The following IFT57 variants were observed in gnomAD, a reference collection of about 807,000 sequenced individuals.
IFT57 encodes intraflagellar transport protein 57 homolog.
In IFT57, 59 loss-of-function variants were observed where a neutral mutation model predicts 56.8. That is an observed-to-expected ratio of 1.04 (90% CI 0.84 to 1.29). The LOEUF is 1.29. Among genes scored for constraint, IFT57 ranks in the 50% most tolerant of loss-of-function variants. The pLI is 0.00. For synonymous variants in IFT57, 209 were observed against 186.1 expected (o/e 1.12, Z -1.00); for missense variants, 470 against 522.1 (o/e 0.90, Z 0.97).
At chr3:108,189,994 GT>G (rs2080206165) in intron 6 of IFT57, among the ~76,000 whole-genome samples, 1 of 152,166 alleles carries the variant, frequency 6.6e-6, no homozygotes, top group Admixed American at 6.5e-5. Flanking sequence ...AGTAAGAGGA[GT>G]GGTTGGTCTT....
In IFT57 at chr3:108,191,564, C is replaced by T. The variant is rs754712026; in HGVS notation, c.734G>A (p.Arg245His). 3.1e-6 allele frequency: 5 copies of T among 1,608,454 alleles called. No individual in the cohort carries two copies. The highest frequency in any genetic ancestry group is 3.4e-6 in the Non-Finnish European group (4 of 1,176,290). Residue 245 changes from arginine to histidine, a missense_variant, in exon 6 of 11, where the codon CGT becomes CAT. By Grantham distance (29) the Arg-to-His change is conservative. Transcript: ENST00000264538. ...CGTGACTTTCAGTTGCGGTAGTACA[C>T]GTTCCACTTCTAGGCTCCATTCTGC... is the stretch of plus-strand genomic sequence containing the variant. ...DAAEWSLEVE[R>H]VLPQLKVTIR...
chr3:108,186,913 A>G (rs9839306), intron 6 of IFT57, among the ~76,000 whole-genome samples: 1 of 152,102 alleles, frequency 6.6e-6, no homozygotes, highest in African/African-American at 2.4e-5. Context: ...ATTTTCTTTT[A>G]TCTAGCTTAT....
rs565849830 is a variant in IFT57, at chr3:108,219,676, C to A, written c.213-104G>T. ...ACAATTGTCCAACAATCTTTCTTCCCCCCAAATGGCCATCAAAAGACCTCG... is the reference window on the plus strand; with the variant it reads ...ACAATTGTCCAACAATCTTTCTTCCACCCAAATGGCCATCAAAAGACCTCG... On this transcript the variant is annotated intron_variant, in intron 1 of 10. Transcript: ENST00000264538. 4.4e-4 allele frequency: 514 copies of A among 1,180,938 alleles called. 3 individuals are homozygous for A. Among genetic ancestry groups the A allele is most frequent in the South Asian group, 3.9e-3 (268 of 68,774 alleles). The allele number at this position is 1,180,938 out of a possible 1,614,324, so 73.2% of individuals were successfully genotyped here. A position where few individuals can be genotyped will look rare whatever the true frequency, so the allele number is the denominator to read the frequency against.
intron 6 of IFT57, among the ~76,000 whole-genome samples, chr3:108,185,913 T>G (rs1260281148): frequency 1.3e-5 from 2 of 152,094 alleles, no homozygotes; most frequent in African/African-American, 4.8e-5. Flanking sequence ...AGTACCTTGT[T>G]AGTAAGGGAC....
At chr3:108,173,804 G>A (rs1336298702) in intron 6 of IFT57, among the ~76,000 whole-genome samples, 15 of 108,040 alleles carry the variant, frequency 1.4e-4, no homozygotes, top group South Asian at 8.5e-4. Context: ...GTGTGTGTGT[G>A]TGTGTATATA....
At chr3:108,190,144 C>G (rs1391888093) in intron 6 of IFT57, among the ~76,000 whole-genome samples, 1 of 152,106 alleles carries the variant, frequency 6.6e-6, no homozygotes, top group Non-Finnish European at 1.5e-5. Flanking sequence ...ATTTTACAGG[C>G]TACTAGGTGG....
rs191745526 is a variant in IFT57 at position 108,200,414 on chromosome 3, A to G, written c.654+6214T>C. ...GCCTGGGTAAAGATGAATCAGACAT[A>G]TATTCAAAGCACTAACATTGCCAGG... is the stretch of plus-strand genomic sequence containing the variant. On this transcript the variant is annotated intron_variant, in intron 5 of 10. Transcript: ENST00000264538. 2.0e-5 allele frequency among the ~76,000 whole-genome samples: 3 copies of G among 152,250 alleles called. No homozygotes were observed. In the East Asian group the frequency reaches 5.8e-4, roughly 29 times the overall value.
At position 108,206,793 on chromosome 3, in the gene IFT57, G is replaced by C. The variant is rs1576047260; in HGVS notation, c.586-97C>G. ...TGCTATACTAAGCTATATTAAGCTT[G>C]ATATAAAGACTAGTGTAGAAAAGGG... On this transcript the variant is annotated intron_variant, in intron 4 of 10. Coordinates refer to ENST00000264538, the MANE Select transcript of IFT57 (RefSeq NM_018010.4). 14 of 306,804 alleles carry C rather than the reference G, an allele frequency of 4.6e-5. No homozygotes were observed. In the East Asian group the frequency reaches 9.4e-4, roughly 20 times the overall value. 19.0% of individuals were successfully genotyped at this position (306,804 alleles called of 1,614,324 possible).
chr3:108,213,513 A>T (rs1001815688), intron 4 of IFT57, among the ~76,000 whole-genome samples: 18 of 152,254 alleles, frequency 1.2e-4, no homozygotes, highest in African/African-American at 3.9e-4. Context: ...GCATTAAAAA[A>T]TTCCTACTCA....
chr3:108,205,323 G>C (rs2080303341), intron 5 of IFT57, among the ~76,000 whole-genome samples: 1 of 151,994 alleles, frequency 6.6e-6, no homozygotes, highest in Non-Finnish European at 1.5e-5. Context: ...TACAGCTTAA[G>C]AAGATGAGGC....
intron 5 of IFT57, among the ~76,000 whole-genome samples, chr3:108,204,761 G>C (rs1282713228): frequency 6.6e-6 from 1 of 152,146 alleles, no homozygotes; most frequent in Non-Finnish European, 1.5e-5. Flanking sequence ...AGGTAAAGCG[G>C]AAAAAGCAAT....
At chr3:108,210,416 C>T (rs1322127395) in intron 4 of IFT57, among the ~76,000 whole-genome samples, 1 of 148,486 alleles carries the variant, frequency 6.7e-6, no homozygotes, top group Admixed American at 6.8e-5. Context: ...TCACTGCAAC[C>T]TCCACCTCCC....
At chr3:108,167,039 A>G in intron 7 of IFT57, 54 bp from the exon 8 acceptor site, 1 of 1,477,604 alleles carries the variant, frequency 6.8e-7, no homozygotes, top group Non-Finnish European at 9.3e-7. Flanking sequence ...TATTTTTTCA[A>G]AAATATTAAA....
intron 6 of IFT57, among the ~76,000 whole-genome samples, chr3:108,179,031 A>G (rs370601895): frequency 1.5e-4 from 23 of 151,996 alleles, no homozygotes; most frequent in African/African-American, 5.1e-4. Flanking sequence ...TAACTCACAT[A>G]TACTCAGATG....
Position 108,162,358 on chromosome 3 carries a change from G to T in IFT57, c.*119C>A. The T allele has an allele frequency of 3.0e-6, 2 of 672,464 alleles. No individual in the cohort carries two copies. The highest frequency in any genetic ancestry group is 5.0e-6 in the Non-Finnish European group (2 of 400,134). The allele number at this position is 672,464 out of a possible 1,614,324, so 41.7% of individuals were successfully genotyped here. On this transcript the variant is annotated 3_prime_UTR_variant, in exon 11 of 11. Coordinates refer to ENST00000264538, the MANE Select transcript of IFT57 (RefSeq NM_018010.4). The stretch of plus-strand genomic sequence containing the variant: ...ATAATCACCATGATATAATATGTGA[G>T]TATGTATATGTAAAAAAATACCCAT...
At chr3:108,220,828 T>C (rs1034497) in intron 1 of IFT57, among the ~76,000 whole-genome samples, 13,918 of 152,188 alleles carry the variant, frequency 0.091, 699 homozygotes, top group Middle Eastern at 0.12. Flanking sequence ...GGTGATCACA[T>C]TTTGAGAACC....
chr3:108,188,404 A>G (rs1356670736), intron 6 of IFT57, among the ~76,000 whole-genome samples: 1 of 152,210 alleles, frequency 6.6e-6, no homozygotes, highest in African/African-American at 2.4e-5. Flanking sequence ...CATATCTGAA[A>G]GACTTAAAAG....
At chr3:108,173,784 GT>G (rs1433611674) in intron 6 of IFT57, among the ~76,000 whole-genome samples, 6 of 147,246 alleles carry the variant, frequency 4.1e-5, no homozygotes, top group Non-Finnish European at 8.9e-5. Flanking sequence ...GTGTGTGTGT[GT>G]GTGTGTGTGT....
intron 3 of IFT57, 164 bp downstream of exon 3, chr3:108,218,371 C>G (rs944103005): frequency 2.2e-6 from 1 of 449,794 alleles, no homozygotes; most frequent in Non-Finnish European, 4.0e-6. Flanking sequence ...AGACGTGAGA[C>G]ATTCTAATTT....
Sources: gnomAD v4.1 joint callset for allele counts (sites outside exome capture counted in the v4.1 genomes callset) on GRCh38, gnomAD v4.1.1 for gene constraint, MANE v1.5 for transcripts, NCBI Gene and HGNC (gene_info 2026-07-23, HGNC 2026-07-21) for gene names.